The following SPAG16 variants were observed in gnomAD, a reference collection of about 807,000 sequenced individuals.
The protein encoded by SPAG16 is sperm associated antigen 16.
Under a neutral mutation model 80.4 loss-of-function variants are expected in SPAG16, and 86 were observed. The observed-to-expected ratio is 1.07, with a 90% confidence interval of 0.90 to 1.28. The LOEUF (loss-of-function observed/expected upper bound fraction) is 1.28. SPAG16 is among the 50% of genes most tolerant of loss of function. SPAG16 has a pLI of 0.00. For synonymous variants in SPAG16, 294 were observed against 265.9 expected (o/e 1.11, Z -1.03); for missense variants, 870 against 765.3 (o/e 1.14, Z -1.61).
Position 214,038,726 on chromosome 2 carries a change from T to TGTTC in SPAG16, c.1527+24650_1527+24653dup, listed in dbSNP as rs200079570. ...CCCCACAACAAGCCCTGGTGTGTGA[T>TGTTC]GTTCCCCTTCCTGTGTCCATGTGTT... On this transcript the variant is annotated intron_variant, in intron 13 of 15. Coordinates refer to ENST00000331683, the MANE Select transcript of SPAG16 (RefSeq NM_024532.5). Among the ~76,000 whole-genome samples, 486 of 136,788 alleles carry TGTTC rather than the reference T, an allele frequency of 3.6e-3. 3 individuals are homozygous for TGTTC. The highest frequency in any genetic ancestry group is 0.019 in the Middle Eastern group (5 of 264). The allele number at this position is 136,788 out of a possible 152,430, so 89.7% of individuals were successfully genotyped here. A position where few individuals can be genotyped will look rare whatever the true frequency, so the allele number is the denominator to read the frequency against.
intron 10 of SPAG16, among the ~76,000 whole-genome samples, chr2:213,626,643 T>G (rs1193625889): frequency 2.9e-4 from 14 of 49,006 alleles, no homozygotes; most frequent in African/African-American, 1.4e-3. Flanking sequence ...CGGGCTCAAT[T>G]TTTTTTTTTT....
At chr2:214,370,075 A>T (rs572489748) in intron 15 of SPAG16, among the ~76,000 whole-genome samples, 1 of 152,294 alleles carries the variant, frequency 6.6e-6, no homozygotes, top group Admixed American at 6.5e-5. Context: ...AATATTGCCC[A>T]GAACCTCTCT....
intron 14 of SPAG16, among the ~76,000 whole-genome samples, chr2:214,133,554 G>A (rs897678946): frequency 4.6e-5 from 7 of 152,148 alleles, no homozygotes. Flanking sequence ...CTACTCCGGA[G>A]CCTGAGGCAG....
intron 10 of SPAG16, among the ~76,000 whole-genome samples, chr2:213,514,996 C>T (rs1182427214): frequency 6.6e-6 from 1 of 152,058 alleles, no homozygotes; most frequent in East Asian, 1.9e-4. Context: ...GGTTTTTAAA[C>T]TCTCTTGATA....
At position 213,736,762 on chromosome 2, in the gene SPAG16, T is replaced by C. The variant is rs545346687; in HGVS notation, c.1071-125723T>C. 2.7e-5 allele frequency among the ~76,000 whole-genome samples: 4 copies of C among 150,734 alleles called. No homozygotes were observed. The South Asian group carries it at 8.4e-4, about 32-fold the overall frequency. On this transcript the variant is annotated intron_variant, in intron 10 of 15. Transcript: ENST00000331683. ...TTTTGTTCCCCAAGCTGCAGTGCAA[T>C]GGCGAGATCTCGGCTTGCTGCAACC...
intron 10 of SPAG16, among the ~76,000 whole-genome samples, chr2:213,792,884 C>T (rs780427034): frequency 7.9e-5 from 12 of 151,818 alleles, no homozygotes; most frequent in East Asian, 7.7e-4. Context: ...CTGAATCCCA[C>T]GTCTCCAACA....
At chr2:213,357,482 G>C (rs900471692) in intron 7 of SPAG16, among the ~76,000 whole-genome samples, 1 of 152,128 alleles carries the variant, frequency 6.6e-6, no homozygotes, top group East Asian at 1.9e-4. Context: ...GGCTCTTCTT[G>C]TTGAATTGAT....
At chr2:213,556,312 C>CAAA (rs35010847) in intron 10 of SPAG16, among the ~76,000 whole-genome samples, 18 of 112,792 alleles carry the variant, frequency 1.6e-4, no homozygotes, top group South Asian at 5.8e-4. Flanking sequence ...AAAAAAAAAC[C>CAAA]AAAAAAAAAA....
chr2:214,252,022 T>A (rs985118810), intron 15 of SPAG16, among the ~76,000 whole-genome samples: 3 of 152,118 alleles, frequency 2.0e-5, no homozygotes, highest in Non-Finnish European at 4.4e-5. Flanking sequence ...ATATGGATGA[T>A]TTTAAAAGAT....
chr2:213,507,543 T>TA (rs939337693), intron 10 of SPAG16, among the ~76,000 whole-genome samples: 2 of 152,228 alleles, frequency 1.3e-5, no homozygotes, highest in African/African-American at 4.8e-5. Context: ...CAGTAGATGA[T>TA]AGTCTTTCAT....
intron 10 of SPAG16, among the ~76,000 whole-genome samples, chr2:213,567,481 T>G (rs975064696): frequency 3.1e-4 from 36 of 116,822 alleles, no homozygotes; most frequent in Non-Finnish European, 8.4e-5. Context: ...GAATATGCGG[T>G]GTTTGGTTTT....
intron 10 of SPAG16, among the ~76,000 whole-genome samples, chr2:213,652,687 C>A (rs2063066627): frequency 6.6e-6 from 1 of 151,762 alleles, no homozygotes; most frequent in Non-Finnish European, 1.5e-5. Flanking sequence ...CTGTTAATGT[C>A]TTTTGTATTA....
At chr2:213,387,391 A>AAATT (rs113431476) in intron 9 of SPAG16, among the ~76,000 whole-genome samples, 12,569 of 140,726 alleles carry the variant, frequency 0.089, 1,600 homozygotes, top group African/African-American at 0.28. Flanking sequence ...TTTTTTGCCC[A>AAATT]AATTCTTAGT....
At chr2:213,508,545 G>A (rs187438588) in intron 10 of SPAG16, among the ~76,000 whole-genome samples, 1,827 of 152,178 alleles carry the variant, frequency 0.012, 34 homozygotes, top group African/African-American at 0.031. Context: ...GCAGTCTGCA[G>A]TCCGGCCTGG....
At chr2:214,335,014 G>C (rs1260243574) in intron 15 of SPAG16, among the ~76,000 whole-genome samples, 1 of 152,148 alleles carries the variant, frequency 6.6e-6, no homozygotes, top group African/African-American at 2.4e-5. Context: ...AGGGATGCTC[G>C]CAGGAAAAGA....
At chr2:213,507,877 C>A (rs2075031364) in intron 10 of SPAG16, among the ~76,000 whole-genome samples, 1 of 152,186 alleles carries the variant, frequency 6.6e-6, no homozygotes, top group African/African-American at 2.4e-5. Flanking sequence ...TCATTTTCCT[C>A]TAAGTAAACA....
chr2:214,361,152 C>T (rs2126069893), intron 15 of SPAG16, among the ~76,000 whole-genome samples: 1 of 151,938 alleles, frequency 6.6e-6, no homozygotes, highest in East Asian at 1.9e-4. Flanking sequence ...ACTGCATTTG[C>T]TATTCACGAT....
intron 15 of SPAG16, among the ~76,000 whole-genome samples, chr2:214,304,805 C>A (rs1417665291): frequency 6.6e-6 from 1 of 152,146 alleles, no homozygotes; most frequent in African/African-American, 2.4e-5. Flanking sequence ...GATGCCATGT[C>A]TTTGCTGTGT....
At chr2:213,730,500 C>G (rs1265790328) in intron 10 of SPAG16, among the ~76,000 whole-genome samples, 4 of 152,118 alleles carry the variant, frequency 2.6e-5, no homozygotes, top group African/African-American at 9.7e-5. Flanking sequence ...TCTTTCAATA[C>G]TTTCAATAAC....
Sources: gnomAD v4.1 joint callset for allele counts (sites outside exome capture counted in the v4.1 genomes callset) on GRCh38, gnomAD v4.1.1 for gene constraint, MANE v1.5 for transcripts, NCBI Gene and HGNC (gene_info 2026-07-23, HGNC 2026-07-21) for gene names.